ABHD18: variants seen among roughly 807,000 people sequenced by gnomAD.
The protein encoded by ABHD18 is cardiolipin-specific deacylase, mitochondrial.
ABHD18 carries 55 observed loss-of-function variants against 65.9 expected under a neutral mutation model. The ratio of observed to expected loss-of-function variants is 0.84; its 90% CI spans 0.67 to 1.05. ABHD18 has a LOEUF of 1.05. Ranked by LOEUF, ABHD18 falls within the 50% of genes least tolerant of loss-of-function variation. The pLI is 0.00. For missense variants in ABHD18, 533 were observed against 558.5 expected, an observed-to-expected ratio of 0.95 and a Z score of 0.46; for synonymous variants, 181 against 180.2, an observed-to-expected ratio of 1.00 and a Z score of -0.04.
At position 128,020,471 on chromosome 4, in the gene ABHD18, A is replaced by G. The variant is rs541468990; in HGVS notation, c.699+302A>G. ...ACAATAATTATTGACAATAAGTGCA[A>G]AGTGCTGTCCATCAGTGAAGCTCCC... On this transcript the variant is annotated intron_variant, in intron 9 of 12. Transcript: ENST00000645843. Among the ~76,000 whole-genome samples the G allele has an allele frequency of 2.6e-5, 4 of 152,308 alleles. No individual in the cohort carries two copies. In the East Asian group the frequency reaches 7.7e-4, roughly 29 times the overall value.
chr4:128,035,576 G>GA (rs887961568), intron 12 of ABHD18, among the ~76,000 whole-genome samples, 186 bp from the exon 13 acceptor site: 3 of 147,844 alleles, frequency 2.0e-5, no homozygotes, highest in South Asian at 2.1e-4. Flanking sequence ...TGTCTCAAAA[G>GA]AAAAAAAAAA....
chr4:128,022,235 AAATC>A (rs1218653773), intron 10 of ABHD18, among the ~76,000 whole-genome samples: 7 of 152,244 alleles, frequency 4.6e-5, no homozygotes, highest in Non-Finnish European at 5.9e-5. Context: ...TAATAATAAA[AAATC>A]AATCAATCAA....
At chr4:128,010,622 CTG>C (rs919102744) in intron 6 of ABHD18, among the ~76,000 whole-genome samples, 2 of 151,140 alleles carry the variant, frequency 1.3e-5, no homozygotes, top group African/African-American at 4.9e-5. Flanking sequence ...AAAGCAAAAA[CTG>C]TGCATTGGCC....
intron 10 of ABHD18, 123 bp from the exon 11 acceptor site, chr4:128,028,352 T>C (rs1757681657): frequency 5.6e-6 from 4 of 719,326 alleles, no homozygotes; most frequent in Non-Finnish European, 8.5e-6. Flanking sequence ...TGTTTGAATA[T>C]ACTACATTTT....
intron 4 of ABHD18, among the ~76,000 whole-genome samples, chr4:128,008,010 T>C (rs773507858): frequency 7.9e-5 from 12 of 152,080 alleles, no homozygotes; most frequent in Non-Finnish European, 1.8e-4. Context: ...ACACCTGTAA[T>C]CCCAGCACTT....
chr4:128,016,013 C>T (rs977726958), intron 7 of ABHD18, among the ~76,000 whole-genome samples: 5 of 140,202 alleles, frequency 3.6e-5, no homozygotes, highest in Admixed American at 7.7e-5. Context: ...AGTGCAGTGG[C>T]GCAATCTCTG....
chr4:128,036,374 G>A lies in ABHD18; in HGVS notation c.*561G>A, dbSNP rs1332422191. On this transcript the variant is annotated 3_prime_UTR_variant, in exon 13 of 13. Transcript: ENST00000645843. Reference sequence around the variant, plus strand: ...TATCCTGATAGCTTCATAGATAAGTGCTTTTCTTTTTCTTTTTTTTTTCTT... The same window carrying A: ...TATCCTGATAGCTTCATAGATAAGTACTTTTCTTTTTCTTTTTTTTTTCTT... The A allele has an allele frequency of 6.6e-6, 1 of 151,966 alleles. No homozygotes were observed. Among genetic ancestry groups the A allele is most frequent in the African/African-American group, 2.4e-5 (1 of 41,404 alleles). 9.4% of individuals were successfully genotyped at this position (151,966 alleles called of 1,614,324 possible).
chr4:128,032,097 T>G (rs1758297747), intron 12 of ABHD18, among the ~76,000 whole-genome samples: 1 of 152,154 alleles, frequency 6.6e-6, no homozygotes, highest in Non-Finnish European at 1.5e-5. Context: ...AAGAGTAGAT[T>G]TATAATCAAA....
At chr4:127,985,983 C>T (rs900085739) in intron 3 of ABHD18, among the ~76,000 whole-genome samples, 5 of 152,104 alleles carry the variant, frequency 3.3e-5, no homozygotes, top group African/African-American at 1.2e-4. Flanking sequence ...CCACAGCACT[C>T]CAGCCTGGCA....
chr4:128,016,732 T>G (rs1447469794), intron 7 of ABHD18, among the ~76,000 whole-genome samples: 1 of 151,582 alleles, frequency 6.6e-6, no homozygotes, highest in Non-Finnish European at 1.5e-5. Flanking sequence ...CCAAGATCCA[T>G]GCCACTGCAA....
chr4:127,999,061 A>T (rs535835585), intron 4 of ABHD18, among the ~76,000 whole-genome samples: 4 of 151,248 alleles, frequency 2.6e-5, no homozygotes, highest in Non-Finnish European at 4.4e-5. Flanking sequence ...AAATATATAA[A>T]ATATATATAT....
At chr4:128,019,921 G>C (rs1474688380) in intron 8 of ABHD18, among the ~76,000 whole-genome samples, 159 bp from the exon 9 acceptor site, 1 of 152,166 alleles carries the variant, frequency 6.6e-6, no homozygotes, top group Non-Finnish European at 1.5e-5. Flanking sequence ...TTTATGATTT[G>C]GGGAATTTAA....
chr4:127,984,085 C>T (rs1749551329), intron 2 of ABHD18, among the ~76,000 whole-genome samples: 1 of 151,714 alleles, frequency 6.6e-6, no homozygotes, highest in Admixed American at 6.6e-5. Context: ...AGGATTGGTG[C>T]CTTTAATTTT....
intron 12 of ABHD18, among the ~76,000 whole-genome samples, chr4:128,032,559 A>G (rs1758359983): frequency 6.6e-6 from 1 of 151,674 alleles, no homozygotes; most frequent in Non-Finnish European, 1.5e-5. Context: ...GTGGGCACGC[A>G]CCTATAGTCC....
chr4:128,028,437 TA>T lies in ABHD18; in HGVS notation c.802-37del, dbSNP rs750824819. On this transcript the variant is annotated intron_variant, in intron 10 of 12. Coordinates refer to ENST00000645843, the MANE Select transcript of ABHD18 (RefSeq NM_001358451.3). ...TGACAAAGCTGTTAATACCCTATTT[TA>T]TATTAAATAATGTTTTCTTTCCTTT... is the stretch of plus-strand genomic sequence containing the variant. 3 of 1,403,784 alleles carry T rather than the reference TA, an allele frequency of 2.1e-6. No individual in the cohort carries two copies. In the South Asian group the frequency reaches 5.2e-5, roughly 24 times the overall value. 87.0% of individuals were successfully genotyped at this position (1,403,784 alleles called of 1,614,324 possible).
chr4:128,010,057 A>G (rs568624159), intron 6 of ABHD18, among the ~76,000 whole-genome samples: 1 of 152,352 alleles, frequency 6.6e-6, no homozygotes, highest in African/African-American at 2.4e-5. Context: ...GACATGTTAC[A>G]TAACCTTTAG....
At chr4:128,013,945 A>G (rs982639383) in intron 7 of ABHD18, among the ~76,000 whole-genome samples, 1 of 151,782 alleles carries the variant, frequency 6.6e-6, no homozygotes, top group African/African-American at 2.4e-5. Flanking sequence ...TGAAAAATTA[A>G]AGGCCAAGCT....
chr4:128,026,378 G>C (rs1757357822), intron 10 of ABHD18, among the ~76,000 whole-genome samples: 1 of 151,586 alleles, frequency 6.6e-6, no homozygotes, highest in African/African-American at 2.4e-5. Context: ...AGAATCGCTT[G>C]AACCCAAAAG....
intron 4 of ABHD18, among the ~76,000 whole-genome samples, chr4:127,996,116 C>T (rs1579257735): frequency 2.0e-5 from 3 of 152,166 alleles, no homozygotes; most frequent in Admixed American, 1.3e-4. Flanking sequence ...TAGACAGCTA[C>T]ATATTCATTT....
Sources: allele counts gnomAD v4.1 joint callset (sites outside exome capture counted in the v4.1 genomes callset), GRCh38; gene constraint gnomAD v4.1.1; transcripts MANE v1.5; gene names NCBI Gene and HGNC (gene_info 2026-07-23, HGNC 2026-07-21).